Variants in ANKRD18B observed in about 807,000 individuals in gnomAD.
ANKRD18B encodes ankyrin repeat domain 18B, also known as ankyrin repeat domain-containing protein 18B.
ANKRD18B carries 75 observed loss-of-function variants against 111.8 expected under a neutral mutation model. The observed-to-expected ratio is 0.67, with a 90% CI of 0.56 to 0.81. The LOEUF is 0.81. Among genes scored for constraint, ANKRD18B ranks in the 40% least tolerant of loss-of-function variants. The pLI, the probability that ANKRD18B is intolerant of heterozygous loss-of-function variation, is 0.00. For synonymous variants in ANKRD18B, 356 were observed against 417.3 expected (o/e 0.85, Z 1.79); for missense variants, 1,038 against 1,225.5 (o/e 0.85, Z 2.28).
At chr9:33,533,678 G>C in intron 4 of ANKRD18B, 133 bp downstream of exon 4, 1 of 1,395,592 alleles carries the variant, frequency 7.2e-7, no homozygotes, top group South Asian at 1.8e-5. Flanking sequence ...AAAATAACAT[G>C]AATAATCAGG....
At chr9:33,530,748 G>C (rs961501279) in intron 3 of ANKRD18B, among the ~76,000 whole-genome samples, 19 of 152,156 alleles carry the variant, frequency 1.2e-4, no homozygotes, top group African/African-American at 4.3e-4. Context: ...GAAGTGAAAG[G>C]AAATATCATT....
intron 17 of ANKRD18B, among the ~76,000 whole-genome samples, chr9:33,569,806 G>A (rs1828742356): frequency 6.6e-6 from 1 of 152,138 alleles, no homozygotes; most frequent in Non-Finnish European, 1.5e-5. Flanking sequence ...GGCTGAAGCA[G>A]GCAGATCTCC....
chr9:33,572,503 A>G lies in ANKRD18B; in HGVS notation c.*69A>G. On this transcript the variant is annotated 3_prime_UTR_variant, in exon 19 of 19. Transcript: ENST00000684830. ...AATTGTTTCTCATAAAATATAAAACATCACAATCTTTACTAAAGTAGAATA... is the reference window on the plus strand; with the variant it reads ...AATTGTTTCTCATAAAATATAAAACGTCACAATCTTTACTAAAGTAGAATA... The G allele has an allele frequency of 1.4e-6, 2 of 1,395,716 alleles. No individual in the cohort carries two copies. The highest frequency in any genetic ancestry group is 1.9e-6 in the Non-Finnish European group (2 of 1,059,704). 86.5% of individuals were successfully genotyped at this position (1,395,716 alleles called of 1,614,324 possible).
intron 14 of ANKRD18B, among the ~76,000 whole-genome samples, chr9:33,563,620 T>C (rs995152716): frequency 2.0e-5 from 3 of 150,626 alleles, no homozygotes; most frequent in African/African-American, 7.3e-5. Flanking sequence ...ATTCTATTCT[T>C]TTAATGGGAT....
intron 14 of ANKRD18B, among the ~76,000 whole-genome samples, chr9:33,565,179 T>C (rs1209291041): frequency 8.5e-5 from 13 of 152,260 alleles, no homozygotes; most frequent in Admixed American, 8.5e-4. Flanking sequence ...CAATTGATTC[T>C]GAGTTTATTT....
chr9:33,567,000 T>C (rs13286508), intron 15 of ANKRD18B, 103 bp from the exon 16 acceptor site: 1 of 1,181,082 alleles, frequency 8.5e-7, no homozygotes, highest in Non-Finnish European at 1.2e-6. Flanking sequence ...TTTTAACATA[T>C]TCAAAATTGC....
chr9:33,547,681 A>AGT (rs55918212), intron 10 of ANKRD18B, among the ~76,000 whole-genome samples: 11,229 of 146,108 alleles, frequency 0.077, 403 homozygotes, highest in South Asian at 0.085. Context: ...AATTCTCTAG[A>AGT]GTGTGTGTGT....
chr9:33,556,290 G>A (rs1828525749), intron 13 of ANKRD18B, among the ~76,000 whole-genome samples: 1 of 151,964 alleles, frequency 6.6e-6, no homozygotes, highest in Non-Finnish European at 1.5e-5. Context: ...TTGAGACAGA[G>A]TCTGGCTCTG....
Position 33,572,371 on chromosome 9 carries a change from T to C in ANKRD18B, c.3279T>C (p.Gly1093=). Residue 1093 remains glycine, a synonymous_variant, in exon 19 of 19, where the codon GGT becomes GGC. Coordinates refer to ENST00000684830, the MANE Select transcript of ANKRD18B (RefSeq NM_001393611.1). ...SYLLSSLEST[G]KPHLMKRIFN... is the part of the protein sequence containing the mutation. ...TACTTTCTTCTCTAGAATCCACTGG[T>C]AAGCCACATCTAATGAAGAGAATAT... 2 of 1,610,666 alleles carry C rather than the reference T, an allele frequency of 1.2e-6. No individual in the cohort carries two copies. Among genetic ancestry groups the C allele is most frequent in the East Asian group, 4.5e-5 (2 of 44,852 alleles).
At chr9:33,569,741 C>G (rs572137847) in intron 17 of ANKRD18B, among the ~76,000 whole-genome samples, 4 of 152,080 alleles carry the variant, frequency 2.6e-5, no homozygotes, top group South Asian at 2.1e-4. Context: ...TCTGTTAAAA[C>G]CTTTGTGCTT....
chr9:33,571,172 A>G (rs62559881), intron 17 of ANKRD18B, 74 bp from the exon 18 acceptor site: 104,659 of 570,174 alleles, frequency 0.18, 9,643 homozygotes, highest in Admixed American at 0.22. Context: ...TTTTGTAAGT[A>G]ATATGTTAAT....
chr9:33,530,321 T>A (rs1175760829), intron 3 of ANKRD18B, among the ~76,000 whole-genome samples: 12 of 152,118 alleles, frequency 7.9e-5, no homozygotes, highest in African/African-American at 2.9e-4. Context: ...AATATTTTCT[T>A]GAAGCCATGC....
intron 17 of ANKRD18B, among the ~76,000 whole-genome samples, 200 bp from the exon 18 acceptor site, chr9:33,571,046 C>T (rs558294911): frequency 1.8e-4 from 27 of 152,274 alleles, no homozygotes; most frequent in Admixed American, 2.6e-4. Flanking sequence ...TACACAGATA[C>T]ATCCTCTATT....
Position 33,567,274 on chromosome 9 carries a change from G to A in ANKRD18B, c.2914G>A (p.Ala972Thr), listed in dbSNP as rs1828701047. ...AGAGTATAAGGAAGCCTTTGCAGTA[G>A]CATTGAAAGCTAACAGTTCCATGTC... Reference protein sequence around the residue: ...LEEYKEAFAVALKANSSMSEK... With the variant: ...LEEYKEAFAVTLKANSSMSEK... Residue 972 changes from alanine (A) to threonine (T), a missense_variant, in exon 16 of 19, where the codon GCA becomes ACA. Coordinates refer to ENST00000684830, the MANE Select transcript of ANKRD18B (RefSeq NM_001393611.1). The A allele has an allele frequency of 2.6e-6, 4 of 1,547,274 alleles. No individual in the cohort carries two copies. The highest frequency in any genetic ancestry group is 3.5e-6 in the Non-Finnish European group (4 of 1,145,682).
chr9:33,571,510 A>C (rs182643491), intron 18 of ANKRD18B: 1 of 165,430 alleles, frequency 6.0e-6, no homozygotes, highest in East Asian at 1.9e-4. Flanking sequence ...AAAAATTCCC[A>C]AGAAGTGGAT....
chr9:33,555,932 T>C lies in ANKRD18B; in HGVS notation c.2330+112T>C. ...CATTTTATGTCTTCATTTTCATAAT[T>C]AAATGAATTCTGTTTTAAAATATAT... On this transcript the variant is annotated intron_variant, in intron 13 of 18. Transcript: ENST00000684830. 3 of 747,006 alleles carry C rather than the reference T, an allele frequency of 4.0e-6. No individual in the cohort carries two copies. The East Asian group carries it at 1.0e-4, about 26-fold the overall frequency. The allele number at this position is 747,006 out of a possible 1,614,324, so 46.3% of individuals were successfully genotyped here. A position where few individuals can be genotyped will look rare whatever the true frequency, so the allele number is the denominator to read the frequency against.
intron 6 of ANKRD18B, among the ~76,000 whole-genome samples, chr9:33,538,628 C>T (rs778454941): frequency 2.0e-5 from 3 of 151,766 alleles, no homozygotes; most frequent in Non-Finnish European, 4.4e-5. Context: ...CCCAACTACT[C>T]GGGAGGCTGA....
chr9:33,539,760 GA>G (rs1170389102), intron 7 of ANKRD18B, among the ~76,000 whole-genome samples: 3 of 151,888 alleles, frequency 2.0e-5, no homozygotes, highest in Non-Finnish European at 4.4e-5. Context: ...GGAAACTTCT[GA>G]GGTAGAATGC....
chr9:33,535,834 T>C (rs1003273332), intron 5 of ANKRD18B, among the ~76,000 whole-genome samples: 1 of 147,624 alleles, frequency 6.8e-6, no homozygotes, highest in Non-Finnish European at 1.5e-5. Context: ...ATATAGATTA[T>C]ATAATCTCTT....
Sources: allele counts gnomAD v4.1 joint callset (sites outside exome capture counted in the v4.1 genomes callset), GRCh38; gene constraint gnomAD v4.1.1; transcripts MANE v1.5; gene names NCBI Gene and HGNC (gene_info 2026-07-23, HGNC 2026-07-21).